CCT6A: variants seen among roughly 807,000 people sequenced by gnomAD.
The protein encoded by CCT6A is chaperonin containing TCP1 subunit 6A, also known as T-complex protein 1 subunit zeta.
CCT6A carries 6 observed loss-of-function variants against 58.6 expected under a neutral mutation model. The observed-to-expected ratio is 0.10, with a 90% CI of 0.06 to 0.20. The LOEUF (loss-of-function observed/expected upper bound fraction) is 0.20. CCT6A is among the 10% of genes least tolerant of loss of function. CCT6A has a pLI of 1.00. For missense variants in CCT6A, 516 were observed against 648.8 expected (o/e 0.80, Z 2.22); for synonymous variants, 245 against 227.8 (o/e 1.08, Z -0.68).
Position 56,056,651 on chromosome 7 carries a change from G to C in CCT6A, c.614+237G>C, listed in dbSNP as rs183214579. 4.6e-4 allele frequency among the ~76,000 whole-genome samples: 70 copies of C among 151,898 alleles called. 1 individual carries two copies. The East Asian group carries it at 0.013, about 29-fold the overall frequency. On this transcript the variant is annotated intron_variant, in intron 5 of 13. Transcript: ENST00000275603. ...GCAGCAGAATAGCTTGAACCTGGGAGGCGGAGGTTGCAGTGAGCTGAGACC... is the reference window on the plus strand; with the variant it reads ...GCAGCAGAATAGCTTGAACCTGGGACGCGGAGGTTGCAGTGAGCTGAGACC...
intron 2 of CCT6A, 113 bp from the exon 3 acceptor site, chr7:56,054,256 G>A: frequency 1.3e-6 from 1 of 773,740 alleles, no homozygotes; most frequent in Non-Finnish European, 2.1e-6. Context: ...GCCAACATTT[G>A]GGTAGCTTTT....
chr7:56,058,936 A>G, intron 8 of CCT6A: 1 of 322,744 alleles, frequency 3.1e-6, no homozygotes, highest in Non-Finnish European at 5.7e-6. Context: ...GCCCCTTGTA[A>G]ACATTATTTT....
chr7:56,062,900 G>C (rs1490812590), intron 13 of CCT6A, 113 bp from the exon 14 acceptor site: 4 of 1,145,448 alleles, frequency 3.5e-6, no homozygotes, highest in Non-Finnish European at 5.3e-6. Flanking sequence ...TGTGTAGAGG[G>C]GAAGGGGGAA....
chr7:56,052,352 C>T (rs1181713140), intron 1 of CCT6A, 70 bp from the exon 2 acceptor site: 4 of 1,418,476 alleles, frequency 2.8e-6, no homozygotes, highest in African/African-American at 2.8e-5. Flanking sequence ...GGGAAAAGCC[C>T]GTTTTCTAAT....
Position 56,063,119 on chromosome 7 carries a change from C to G in CCT6A, c.*34C>G. The G allele has an allele frequency of 7.3e-7, 1 of 1,373,508 alleles. No individual in the cohort carries two copies. The highest frequency in any genetic ancestry group is 1.4e-5 in the African/African-American group (1 of 70,236). The allele number at this position is 1,373,508 out of a possible 1,614,324, so 85.1% of individuals were successfully genotyped here. On this transcript the variant is annotated 3_prime_UTR_variant, in exon 14 of 14. Transcript: ENST00000275603. ...TTCCTCTGTATCTGAATCTTGAAGA[C>G]TGCAAAGTGATCCTGAGGATTACAG...
intron 9 of CCT6A, chr7:56,060,014 A>G (rs377037039): frequency 4.0e-6 from 2 of 504,096 alleles, no homozygotes; most frequent in East Asian, 3.5e-5. Context: ...TGAAGTCTTT[A>G]GCAGAAAAAT....
chr7:56,052,355 T>C (rs1794143235), intron 1 of CCT6A, 67 bp from the exon 2 acceptor site: 1 of 1,461,620 alleles, frequency 6.8e-7, no homozygotes, highest in African/African-American at 1.4e-5. Context: ...AAAAGCCCGT[T>C]TTCTAATGGG....
chr7:56,062,563 A>G (rs1451943735), intron 12 of CCT6A, 120 bp from the exon 13 acceptor site: 4 of 841,504 alleles, frequency 4.8e-6, no homozygotes, highest in Non-Finnish European at 8.0e-6. Context: ...GCTAACAGAG[A>G]AGCTTTGAAT....
Position 56,055,677 on chromosome 7 carries a change from C to T in CCT6A, c.390C>T (p.Ala130=), listed in dbSNP as rs751359684. 1 of 1,613,756 alleles carries T rather than the reference C, an allele frequency of 6.2e-7. No individual in the cohort carries two copies. The highest frequency in any genetic ancestry group is 1.1e-5 in the South Asian group (1 of 91,074). Reference sequence around the variant, plus strand: ...GATTTGAAGCTGCAAAGGAAAAGGCCCTTCAGTTTTTGGAAGAAGTCAAAG... The same window carrying T: ...GATTTGAAGCTGCAAAGGAAAAGGCTCTTCAGTTTTTGGAAGAAGTCAAAG... The part of the protein sequence containing the change: ...TEGFEAAKEK[A]LQFLEEVKVS... The change falls in exon 4 of 14, where the codon GCC becomes GCT. Residue 130 remains alanine, a synonymous_variant. Coordinates refer to ENST00000275603, the MANE Select transcript of CCT6A (RefSeq NM_001762.4).
In CCT6A at chr7:56,063,070, TTC is replaced by T. The variant is rs766418392; in HGVS notation, c.1585_1586del (p.Leu529GlufsTer5). 4.3e-6 allele frequency: 7 copies of T among 1,609,330 alleles called. No homozygotes were observed. In the Admixed American group the frequency reaches 1.0e-4, roughly 23 times the overall value. On this transcript the variant is annotated frameshift_variant, in exon 14 of 14. Transcript: ENST00000275603. LOFTEE classifies it high-confidence loss of function. ...VDEIMRAGMS[S>X]LKG ...ATGAGATCATGCGAGCTGGAATGTC[TTC>T]TCTGAAAGGTTGAATTGAAGCTTCC...
intron 11 of CCT6A, 48 bp from the exon 12 acceptor site, chr7:56,061,699 T>G: frequency 1.9e-6 from 1 of 519,812 alleles, no homozygotes; most frequent in Non-Finnish European, 3.4e-6. Flanking sequence ...TTTTTTACTA[T>G]CAGTTATTAG....
At position 56,063,339 on chromosome 7, in the gene CCT6A, A is replaced by G. The variant is rs996179283; in HGVS notation, c.*254A>G. ...GATGTTTTGCTTTAGCAGCAGTGAC[A>G]TAAAATTCCATGTTAGATAAGCATA... On this transcript the variant is annotated 3_prime_UTR_variant, in exon 14 of 14. Coordinates refer to ENST00000275603, the MANE Select transcript of CCT6A (RefSeq NM_001762.4). 33 of 485,410 alleles carry G rather than the reference A, an allele frequency of 6.8e-5. No homozygotes were observed. Among genetic ancestry groups the G allele is most frequent in the African/African-American group, 5.9e-4 (30 of 51,120 alleles). The allele number at this position is 485,410 out of a possible 1,614,324, so 30.1% of individuals were successfully genotyped here. A position where few individuals can be genotyped will look rare whatever the true frequency, so the allele number is the denominator to read the frequency against.
At chr7:56,059,486 T>G in intron 8 of CCT6A, 58 bp from the exon 9 acceptor site, 2 of 867,904 alleles carry the variant, frequency 2.3e-6, no homozygotes, top group Non-Finnish European at 4.0e-6. Context: ...TTACTGGTCT[T>G]ATCTTTGAAA....
At chr7:56,055,399 C>G (rs1164775324) in intron 3 of CCT6A, 1 of 629,142 alleles carries the variant, frequency 1.6e-6, no homozygotes, top group Non-Finnish European at 2.9e-6. Flanking sequence ...CTTTATAGTT[C>G]CCTTGGCTTT....
intron 3 of CCT6A, 31 bp from the exon 4 acceptor site, chr7:56,055,593 A>G (rs1794288515): frequency 6.3e-6 from 10 of 1,575,442 alleles, no homozygotes; most frequent in Non-Finnish European, 8.7e-6. Context: ...ACCTAATTGA[A>G]GATGCAAGTG....
chr7:56,059,674 C>T (rs1407835331), intron 9 of CCT6A, 34 bp downstream of exon 9: 2 of 1,017,216 alleles, frequency 2.0e-6, no homozygotes, highest in Admixed American at 3.5e-5. Context: ...GTAATAGAAC[C>T]TTTTAGCTCG....
In CCT6A at chr7:56,060,269, G is replaced by A. The variant is rs1419210357; in HGVS notation, c.1066G>A (p.Gly356Arg). ...HAGLVYEYTL[G>R]EEKFTFIEKC... ...AAAATCATATTTTTTCTACACATAG[G>A]GAGAAGAGAAGTTTACCTTTATTGA... The change falls in exon 10 of 14, where the codon GGA (glycine) becomes AGA (arginine). Residue 356 changes from glycine to arginine, a missense_variant and splice_region_variant. This residue lies in a region of CCT6A where 315 missense variants were observed against 389.4 expected (regional missense o/e 0.81). Coordinates refer to ENST00000275603, the MANE Select transcript of CCT6A (RefSeq NM_001762.4). The A allele has an allele frequency of 6.2e-7, 1 of 1,612,858 alleles. No homozygotes were observed. The highest frequency in any genetic ancestry group is 8.5e-7 in the Non-Finnish European group (1 of 1,179,136).
At chr7:56,056,885 C>T (rs1794320729) in intron 5 of CCT6A, among the ~76,000 whole-genome samples, 1 of 151,212 alleles carries the variant, frequency 6.6e-6, no homozygotes, top group Admixed American at 6.6e-5. Context: ...CAAGCTCTGC[C>T]TCCCGGGTTC....
chr7:56,058,184 C>A, intron 6 of CCT6A, 81 bp downstream of exon 6: 1 of 970,686 alleles, frequency 1.0e-6, no homozygotes, highest in African/African-American at 1.6e-5. Context: ...CTTTGTTTCC[C>A]ACTGTAAGGA....
Sources: allele counts gnomAD v4.1 joint callset (sites outside exome capture counted in the v4.1 genomes callset), GRCh38; gene constraint gnomAD v4.1.1; regional missense constraint gnomAD v4.1.1; transcripts MANE v1.5; gene names NCBI Gene and HGNC (gene_info 2026-07-23, HGNC 2026-07-21).